SYTL3: variants seen among roughly 807,000 people sequenced by gnomAD.
SYTL3 encodes synaptotagmin like 3, also known as synaptotagmin-like protein 3.
A neutral mutation model predicts 82.1 loss-of-function variants in SYTL3; 88 were observed. That is an observed-to-expected ratio of 1.07 (90% CI 0.90 to 1.28). SYTL3 has a LOEUF of 1.28. Ranked by LOEUF, SYTL3 falls within the 50% of genes most tolerant of loss-of-function variation. SYTL3 has a pLI of 0.00. For missense variants in SYTL3, 831 were observed against 757.6 expected (o/e 1.10, Z -1.14); for synonymous variants, 311 against 289.4 (o/e 1.07, Z -0.76).
chr6:158,681,719 T>G (rs1270664412), intron 5 of SYTL3, among the ~76,000 whole-genome samples: 2 of 152,102 alleles, frequency 1.3e-5, no homozygotes, highest in African/African-American at 4.8e-5. Flanking sequence ...CCCCCAAATC[T>G]CCATCAACAC....
At chr6:158,701,407 GCTGT>G (rs1781252221) in intron 6 of SYTL3, among the ~76,000 whole-genome samples, 1 of 147,594 alleles carries the variant, frequency 6.8e-6, no homozygotes, top group Non-Finnish European at 1.5e-5. Flanking sequence ...TAGATGAAGG[GCTGT>G]CTGGGGGAGG....
chr6:158,693,063 C>T (rs1474355326), intron 6 of SYTL3, among the ~76,000 whole-genome samples: 3 of 152,324 alleles, frequency 2.0e-5, no homozygotes, highest in East Asian at 1.9e-4. Flanking sequence ...CTCATCCCTG[C>T]AATTCATCCA....
chr6:158,702,456 C>T (rs1050270924), intron 6 of SYTL3, among the ~76,000 whole-genome samples: 18 of 151,062 alleles, frequency 1.2e-4, no homozygotes, highest in African/African-American at 3.4e-4. Context: ...GTGGGAGGAT[C>T]GCTTGAGCCC....
upstream of SYTL3, among the ~76,000 whole-genome samples, chr6:158,649,291 A>G (rs973361841): frequency 2.0e-5 from 3 of 152,208 alleles, no homozygotes; most frequent in African/African-American, 7.2e-5. Context: ...TTTGCCACTC[A>G]CACTCCATGA....
At chr6:158,692,130 C>T (rs1162144697) in intron 6 of SYTL3, among the ~76,000 whole-genome samples, 10 of 147,652 alleles carry the variant, frequency 6.8e-5, no homozygotes, top group African/African-American at 2.2e-4. Flanking sequence ...TGGTGGCGGG[C>T]GCCTGTAGTC....
intron 5 of SYTL3, among the ~76,000 whole-genome samples, chr6:158,671,206 G>C (rs1444659379): frequency 1.3e-5 from 2 of 152,326 alleles, no homozygotes; most frequent in East Asian, 3.9e-4. Flanking sequence ...TTTGACAATA[G>C]TGTGTGTGTC....
At chr6:158,755,074 G>C (rs1583491984) in intron 13 of SYTL3, among the ~76,000 whole-genome samples, 1 of 152,228 alleles carries the variant, frequency 6.6e-6, no homozygotes, top group East Asian at 1.9e-4. Context: ...TGGGTGTGGA[G>C]GCTCACGCTT....
chr6:158,679,930 G>T (rs1778468394), intron 5 of SYTL3, among the ~76,000 whole-genome samples: 1 of 152,160 alleles, frequency 6.6e-6, no homozygotes, highest in African/African-American at 2.4e-5. Flanking sequence ...TAGCTCAGTC[G>T]ACTGTAGCGT....
At chr6:158,685,688 C>T (rs1381740453) in intron 6 of SYTL3, among the ~76,000 whole-genome samples, 2 of 152,014 alleles carry the variant, frequency 1.3e-5, no homozygotes, top group Non-Finnish European at 2.9e-5. Flanking sequence ...CATGGTGGCA[C>T]CTGCCTGTAA....
chr6:158,754,646 G>A (rs909577447), intron 13 of SYTL3, among the ~76,000 whole-genome samples: 1 of 152,268 alleles, frequency 6.6e-6, no homozygotes, highest in Non-Finnish European at 1.5e-5. Context: ...CGTGAACCTG[G>A]AAGGCGGAGC....
intron 6 of SYTL3, among the ~76,000 whole-genome samples, chr6:158,703,871 A>G (rs1039280026): frequency 1.4e-5 from 2 of 148,124 alleles, no homozygotes; most frequent in African/African-American, 2.5e-5. Context: ...ATGGAGTCTC[A>G]TTCTATCTCC....
chr6:158,706,297 T>C (rs1782085974), intron 6 of SYTL3, among the ~76,000 whole-genome samples: 1 of 152,174 alleles, frequency 6.6e-6, no homozygotes, highest in Non-Finnish European at 1.5e-5. Flanking sequence ...GCCTTCTTCC[T>C]TTGAGGCTTG....
At chr6:158,703,063 A>G (rs1781508614) in intron 6 of SYTL3, among the ~76,000 whole-genome samples, 1 of 150,228 alleles carries the variant, frequency 6.7e-6, no homozygotes, top group African/African-American at 2.4e-5. Context: ...CTGAGGCAGG[A>G]GAATCACTCG....
At chr6:158,751,150 A>AC (rs1266732849) in intron 12 of SYTL3, among the ~76,000 whole-genome samples, 2 of 152,042 alleles carry the variant, frequency 1.3e-5, no homozygotes, top group African/African-American at 4.8e-5. Context: ...GGAAGAAGAG[A>AC]CCCAAGACTG....
intron 8 of SYTL3, among the ~76,000 whole-genome samples, 197 bp downstream of exon 8, chr6:158,708,588 C>A (rs541017272): frequency 1.1e-4 from 17 of 152,268 alleles, no homozygotes; most frequent in Non-Finnish European, 2.1e-4. Context: ...ATTCTGGTCG[C>A]GGGACCCTCT....
intron 13 of SYTL3, among the ~76,000 whole-genome samples, chr6:158,752,507 A>G (rs1032910538): frequency 6.6e-6 from 1 of 152,168 alleles, no homozygotes; most frequent in Non-Finnish European, 1.5e-5. Context: ...GAATCCTTTT[A>G]TGAAAAATCT....
chr6:158,729,983 G>C (rs1275474998), intron 11 of SYTL3, among the ~76,000 whole-genome samples: 1 of 151,750 alleles, frequency 6.6e-6, no homozygotes, highest in Non-Finnish European at 1.5e-5. Flanking sequence ...ATAACTCTTT[G>C]TTAAGCCCTA....
chr6:158,664,918 T>C (rs1789841393), intron 4 of SYTL3, among the ~76,000 whole-genome samples: 1 of 151,654 alleles, frequency 6.6e-6, no homozygotes, highest in Non-Finnish European at 1.5e-5. Context: ...AAAAAAAATG[T>C]AGCAAAAGCA....
chr6:158,672,321 G>C (rs1169788648), intron 5 of SYTL3, among the ~76,000 whole-genome samples: 1 of 152,126 alleles, frequency 6.6e-6, no homozygotes, highest in African/African-American at 2.4e-5. Flanking sequence ...AGAGGACTGT[G>C]AGTGGTGTAT....
Sources: gnomAD v4.1 joint callset for allele counts (sites outside exome capture counted in the v4.1 genomes callset) on GRCh38, gnomAD v4.1.1 for gene constraint, MANE v1.5 for transcripts, NCBI Gene and HGNC (gene_info 2026-07-23, HGNC 2026-07-21) for gene names.